CASTOR2: variants seen among roughly 807,000 people sequenced by gnomAD.
The protein encoded by CASTOR2 is GATS protein like 2.
A neutral mutation model predicts 31.2 loss-of-function variants in CASTOR2; 8 were observed. The observed-to-expected ratio is 0.26, with a 90% CI of 0.15 to 0.46. The LOEUF (loss-of-function observed/expected upper bound fraction) is 0.46, where lower values mean the gene tolerates loss of function less well. Ranked by LOEUF, CASTOR2 falls within the 20% of genes least tolerant of loss-of-function variation. The pLI is 0.99. For missense variants in CASTOR2, 216 were observed against 382.1 expected (o/e 0.57, Z 3.62); for synonymous variants, 162 against 158.7 (o/e 1.02, Z -0.16).
At position 75,005,933 on chromosome 7, in the gene CASTOR2, C is replaced by G. The variant is rs1188613317; in HGVS notation, c.114-2061C>G. On this transcript the variant is annotated intron_variant, in intron 1 of 8. Transcript: ENST00000616305. ...TCACTTGAAGTAAGGAGTTCGAGAC[C>G]AGCCTGGCCAACATGGAGAAACCTT... 4.6e-4 allele frequency among the ~76,000 whole-genome samples: 70 copies of G among 152,280 alleles called. No homozygotes were observed. The East Asian group carries it at 6.9e-3, about 15-fold the overall frequency.
chr7:74,993,935 C>G (rs1424088713), intron 1 of CASTOR2, among the ~76,000 whole-genome samples: 1 of 152,226 alleles, frequency 6.6e-6, no homozygotes, highest in Non-Finnish European at 1.5e-5. Flanking sequence ...CCCTCCTTCC[C>G]CCTCTGCCTT....
rs1420659354 is a variant in CASTOR2, at chr7:74,995,308, G to C, written c.114-12686G>C. ...GGAGGTGCTTGGGAGAGTCATGAAA[G>C]GGGGAAGGAGTTTGCCAGGGTGCTG... is the stretch of plus-strand genomic sequence containing the variant. On this transcript the variant is annotated intron_variant, in intron 1 of 8. Coordinates refer to ENST00000616305, the MANE Select transcript of CASTOR2 (RefSeq NM_001145064.3). 7.9e-5 allele frequency among the ~76,000 whole-genome samples: 12 copies of C among 151,952 alleles called. No homozygotes were observed. The East Asian group carries it at 2.3e-3, about 30-fold the overall frequency.
chr7:74,996,714 G>GTTTTTT (rs1804356173), intron 1 of CASTOR2, among the ~76,000 whole-genome samples: 1 of 44,066 alleles, frequency 2.3e-5, no homozygotes, highest in East Asian at 1.6e-3. Flanking sequence ...CATGCCTGGT[G>GTTTTTT]CTTTTTTTTT....
intron 1 of CASTOR2, among the ~76,000 whole-genome samples, chr7:74,986,735 T>A (rs1804075570): frequency 6.6e-6 from 1 of 152,104 alleles, no homozygotes; most frequent in East Asian, 1.9e-4. Flanking sequence ...CACGTATGTC[T>A]GGAATATCCC....
chr7:74,994,698 C>T (rs1325949534), intron 1 of CASTOR2, among the ~76,000 whole-genome samples: 3 of 151,314 alleles, frequency 2.0e-5, no homozygotes, highest in East Asian at 1.9e-4. Context: ...TGCGGTGAGC[C>T]GAGATTGTGT....
At chr7:75,013,383 G>A (rs1413564774) in intron 2 of CASTOR2, among the ~76,000 whole-genome samples, 1 of 152,184 alleles carries the variant, frequency 6.6e-6, no homozygotes, top group African/African-American at 2.4e-5. Context: ...AGTGGCTCAT[G>A]CCTGTAATCC....
intron 2 of CASTOR2, among the ~76,000 whole-genome samples, chr7:75,015,838 G>A (rs1247283507): frequency 1.1e-4 from 16 of 152,072 alleles, no homozygotes; most frequent in African/African-American, 2.4e-4. Context: ...AGGCCAAGGC[G>A]GGTGGATCAC....
chr7:74,997,582 T>A (rs1804382405), intron 1 of CASTOR2, among the ~76,000 whole-genome samples: 1 of 151,990 alleles, frequency 6.6e-6, no homozygotes, highest in South Asian at 2.1e-4. Context: ...TGTGCCACTA[T>A]GCCAGGCTAA....
chr7:74,977,799 C>T (rs1554435917), intron 1 of CASTOR2, among the ~76,000 whole-genome samples: 1 of 150,378 alleles, frequency 6.6e-6, no homozygotes, highest in African/African-American at 2.4e-5. Context: ...TGCCTCAGCC[C>T]CACTGAGTAG....
chr7:75,020,154 G>C lies in CASTOR2; in HGVS notation c.746+5G>C. ...GGACGTGCAGACGCAGCAGAGGTGA[G>C]CCAGGCCCTGGGGTGGACGTTCAAC... On this transcript the variant is annotated splice_donor_5th_base_variant and intron_variant, in intron 6 of 8. Transcript: ENST00000616305. The C allele has an allele frequency of 6.4e-7, 1 of 1,551,420 alleles. No individual in the cohort carries two copies. The highest frequency in any genetic ancestry group is 1.2e-5 in the South Asian group (1 of 84,052).
intron 1 of CASTOR2, among the ~76,000 whole-genome samples, chr7:74,969,240 C>A (rs1803624446): frequency 1.2e-5 from 1 of 84,642 alleles, no homozygotes; most frequent in Non-Finnish European, 2.2e-5. Context: ...GAAATGCTGG[C>A]CTTTCTGTAT....
rs1346552286 is a variant in CASTOR2, at chr7:75,017,970, C to T, written c.379-20C>T. 3 of 1,614,076 alleles carry T rather than the reference C, an allele frequency of 1.9e-6. No homozygotes were observed. The highest frequency in any genetic ancestry group is 1.3e-5 in the African/African-American group (1 of 74,948). The stretch of plus-strand genomic sequence containing the variant: ...CCCCAGGGCCACCAGGCACACACGG[C>T]CTCAACTTCTTGCCCCTAGGTGCGC... On this transcript the variant is annotated intron_variant, in intron 3 of 8. Transcript: ENST00000616305.
chr7:74,989,898 A>G (rs1486814835), intron 1 of CASTOR2, among the ~76,000 whole-genome samples: 7 of 152,176 alleles, frequency 4.6e-5, no homozygotes, highest in African/African-American at 1.7e-4. Context: ...CAATGATGGG[A>G]ATGTCCAGTA....
At chr7:74,997,170 C>CA (rs1427385578) in intron 1 of CASTOR2, among the ~76,000 whole-genome samples, 1 of 152,084 alleles carries the variant, frequency 6.6e-6, no homozygotes, top group Non-Finnish European at 1.5e-5. Context: ...CCTCCTTCCT[C>CA]AGCCTCCTGA....
intron 1 of CASTOR2, among the ~76,000 whole-genome samples, chr7:75,003,717 T>TC (rs1348633733): frequency 6.0e-5 from 9 of 151,188 alleles, no homozygotes; most frequent in South Asian, 2.1e-4. Flanking sequence ...GCCACTGCAC[T>TC]CAGCCTGGGT....
chr7:74,992,828 A>G (rs1271471124), intron 1 of CASTOR2, among the ~76,000 whole-genome samples: 27 of 151,678 alleles, frequency 1.8e-4, no homozygotes, highest in Non-Finnish European at 3.1e-4. Flanking sequence ...GCTTGAGCCC[A>G]GGAGTGCAAG....
chr7:74,981,836 G>A (rs1182372334), intron 1 of CASTOR2, among the ~76,000 whole-genome samples: 1 of 143,106 alleles, frequency 7.0e-6, no homozygotes, highest in African/African-American at 2.6e-5. Flanking sequence ...GGAGGTGGAG[G>A]CAAGAGGATC....
chr7:75,005,625 C>T (rs1417418055), intron 1 of CASTOR2, among the ~76,000 whole-genome samples: 55 of 152,332 alleles, frequency 3.6e-4, no homozygotes, highest in African/African-American at 1.3e-3. Flanking sequence ...GGCACCTGTT[C>T]TCACTTCTCG....
In CASTOR2 at chr7:75,008,190, G is replaced by T. The variant is rs1804648086; in HGVS notation, c.184+126G>T. On this transcript the variant is annotated intron_variant, in intron 2 of 8. Coordinates refer to ENST00000616305, the MANE Select transcript of CASTOR2 (RefSeq NM_001145064.3). ...TGCCCCCACCTACCTCCTTACTTCT[G>T]CCCTCATCTGCTGGTCAGCTGGAAA... 3 of 1,201,718 alleles carry T rather than the reference G, an allele frequency of 2.5e-6. No homozygotes were observed. The Admixed American group carries it at 5.3e-5, about 21-fold the overall frequency. The allele number at this position is 1,201,718 out of a possible 1,614,324, so 74.4% of individuals were successfully genotyped here. A position where few individuals can be genotyped will look rare whatever the true frequency, so the allele number is the denominator to read the frequency against.
Sources: allele counts gnomAD v4.1 joint callset (sites outside exome capture counted in the v4.1 genomes callset), GRCh38; gene constraint gnomAD v4.1.1; transcripts MANE v1.5; gene names NCBI Gene and HGNC (gene_info 2026-07-23, HGNC 2026-07-21).